Variants in ADGRL3 observed in about 807,000 individuals in gnomAD.
The protein encoded by ADGRL3 is adhesion G protein-coupled receptor L3.
ADGRL3 carries 62 observed loss-of-function variants against 153.5 expected under a neutral mutation model. The observed-to-expected ratio is 0.40, with a 90% CI of 0.33 to 0.50. The LOEUF (loss-of-function observed/expected upper bound fraction) is 0.50. Among genes scored for constraint, ADGRL3 ranks in the 20% least tolerant of loss-of-function variants. ADGRL3 has a pLI of 0.47. For missense variants in ADGRL3, 1,641 were observed against 1,859.4 expected (o/e 0.88, Z 2.16); for synonymous variants, 710 against 672.5 (o/e 1.06, Z -0.86).
intron 5 of ADGRL3, among the ~76,000 whole-genome samples, chr4:61,625,257 T>C (rs1415953724): frequency 1.3e-5 from 2 of 151,964 alleles, no homozygotes; most frequent in African/African-American, 4.8e-5. Flanking sequence ...AGTGTATATG[T>C]TTGTGGGTGG....
chr4:61,520,068 C>G (rs906431941), intron 4 of ADGRL3, among the ~76,000 whole-genome samples: 1 of 152,100 alleles, frequency 6.6e-6, no homozygotes, highest in Non-Finnish European at 1.5e-5. Flanking sequence ...TCATTTGACT[C>G]TTGATAGCTA....
intron 2 of ADGRL3, among the ~76,000 whole-genome samples, chr4:61,393,967 A>G (rs2096841893): frequency 6.6e-6 from 1 of 152,094 alleles, no homozygotes; most frequent in South Asian, 2.1e-4. Flanking sequence ...GTATGATAAT[A>G]TGACAAGTAC....
At chr4:61,316,899 A>G (rs1463022803) in intron 1 of ADGRL3, among the ~76,000 whole-genome samples, 1 of 152,136 alleles carries the variant, frequency 6.6e-6, no homozygotes, top group Non-Finnish European at 1.5e-5. Flanking sequence ...TTTTTGTGAC[A>G]TGTCTGGAAA....
chr4:61,915,961 G>A (rs2098743373), intron 13 of ADGRL3, among the ~76,000 whole-genome samples: 1 of 151,864 alleles, frequency 6.6e-6, no homozygotes, highest in African/African-American at 2.4e-5. Flanking sequence ...AATCTTTTAG[G>A]GTTGATTTTG....
At chr4:61,688,445 A>G (rs1288612387) in intron 6 of ADGRL3, among the ~76,000 whole-genome samples, 1 of 152,104 alleles carries the variant, frequency 6.6e-6, no homozygotes, top group East Asian at 1.9e-4. Context: ...TACTGCTCTG[A>G]GTGAATGGCT....
chr4:61,468,447 A>G (rs1319835341), intron 2 of ADGRL3, among the ~76,000 whole-genome samples: 2 of 152,248 alleles, frequency 1.3e-5, no homozygotes, highest in Middle Eastern at 3.4e-3. Flanking sequence ...GAAAGGAACC[A>G]TTTTTCTCTA....
chr4:61,898,140 A>T (rs1202246712), intron 11 of ADGRL3, among the ~76,000 whole-genome samples: 1 of 152,136 alleles, frequency 6.6e-6, no homozygotes, highest in Non-Finnish European at 1.5e-5. Context: ...AAGCCAAAGA[A>T]GGACACACTT....
intron 6 of ADGRL3, among the ~76,000 whole-genome samples, chr4:61,717,468 C>G (rs542865934): frequency 2.4e-4 from 37 of 152,144 alleles, no homozygotes; most frequent in African/African-American, 8.9e-4. Flanking sequence ...AAATTCCTAG[C>G]TCTATTTCTT....
At chr4:61,810,140 A>G (rs1252282998) in intron 8 of ADGRL3, among the ~76,000 whole-genome samples, 1 of 152,126 alleles carries the variant, frequency 6.6e-6, no homozygotes, top group Non-Finnish European at 1.5e-5. Context: ...ACATATTTTC[A>G]TAAATAAATA....
intron 9 of ADGRL3, among the ~76,000 whole-genome samples, chr4:61,865,964 G>A (rs2098396077): frequency 6.6e-6 from 1 of 152,198 alleles, no homozygotes; most frequent in Non-Finnish European, 1.5e-5. Flanking sequence ...ACCCCATTGA[G>A]GAAAGTTTGA....
chr4:61,284,223 G>A (rs2093838106), intron 1 of ADGRL3, among the ~76,000 whole-genome samples: 2 of 152,034 alleles, frequency 1.3e-5, no homozygotes, highest in Middle Eastern at 6.8e-3. Flanking sequence ...TCTAAGGTGA[G>A]AGATACCTTT....
intron 2 of ADGRL3, among the ~76,000 whole-genome samples, chr4:61,444,778 C>T (rs1399009155): frequency 6.6e-6 from 1 of 152,144 alleles, no homozygotes; most frequent in Non-Finnish European, 1.5e-5. Context: ...ACTGGCTGGG[C>T]ACAGTGGCTC....
At chr4:61,349,895 C>G (rs1181132990) in intron 1 of ADGRL3, among the ~76,000 whole-genome samples, 2 of 152,058 alleles carry the variant, frequency 1.3e-5, no homozygotes, top group African/African-American at 4.8e-5. Context: ...CATTTCCATA[C>G]CTTGATCTTA....
intron 5 of ADGRL3, among the ~76,000 whole-genome samples, chr4:61,644,768 T>A (rs554042476): frequency 6.6e-6 from 1 of 152,302 alleles, no homozygotes; most frequent in Non-Finnish European, 1.5e-5. Flanking sequence ...TCTGTTGATT[T>A]GGGGTGGAGA....
At chr4:61,928,123 T>C (rs1236735269) in intron 13 of ADGRL3, among the ~76,000 whole-genome samples, 2 of 151,584 alleles carry the variant, frequency 1.3e-5, no homozygotes, top group East Asian at 3.9e-4. Flanking sequence ...CAGGAAAACA[T>C]ATTTAAAAAG....
chr4:61,699,343 A>C (rs1288233801), intron 6 of ADGRL3, among the ~76,000 whole-genome samples: 1 of 152,170 alleles, frequency 6.6e-6, no homozygotes, highest in East Asian at 1.9e-4. Context: ...TTTCTTAGCA[A>C]TTATAATATT....
intron 10 of ADGRL3, among the ~76,000 whole-genome samples, chr4:61,894,616 T>C (rs747941534): frequency 2.2e-4 from 34 of 152,172 alleles, no homozygotes; most frequent in Non-Finnish European, 4.6e-4. Context: ...TCTACAGAAA[T>C]GTGTCATTAT....
chr4:61,603,728 GTGTT>G (rs34997041), intron 5 of ADGRL3, among the ~76,000 whole-genome samples: 2,352 of 151,522 alleles, frequency 0.016, 63 homozygotes, highest in East Asian at 0.12. Flanking sequence ...GTGTGTGTGT[GTGTT>G]TGTTTGTTTG....
chr4:61,427,335 G>T (rs1378513013), intron 2 of ADGRL3: 47 of 152,772 alleles, frequency 3.1e-4, no homozygotes, highest in Non-Finnish European at 1.5e-4. Context: ...TTCAGTCAGG[G>T]TGTGGTCGCC....
Sources: gnomAD v4.1 joint callset for allele counts (sites outside exome capture counted in the v4.1 genomes callset) on GRCh38, gnomAD v4.1.1 for gene constraint, MANE v1.5 for transcripts, NCBI Gene and HGNC (gene_info 2026-07-23, HGNC 2026-07-21) for gene names.